ITGA9: variants seen among roughly 807,000 people sequenced by gnomAD.
ITGA9 encodes integrin subunit alpha 9.
ITGA9 carries 56 observed loss-of-function variants against 127.8 expected under a neutral mutation model. That is an observed-to-expected ratio of 0.44 (90% CI 0.35 to 0.55). ITGA9 has a LOEUF of 0.55. ITGA9 is among the 20% of genes least tolerant of loss of function. The pLI, the probability that ITGA9 is intolerant of heterozygous loss-of-function variation, is 0.00. For synonymous variants in ITGA9, 508 were observed against 514.5 expected, an observed-to-expected ratio of 0.99 and a Z score of 0.17; for missense variants, 1,196 against 1,347.1, an observed-to-expected ratio of 0.89 and a Z score of 1.76.
intron 17 of ITGA9, among the ~76,000 whole-genome samples, chr3:37,662,814 C>T (rs1391407198): frequency 6.6e-6 from 1 of 152,228 alleles, no homozygotes; most frequent in African/African-American, 2.4e-5. Context: ...AAAGATTTCT[C>T]TGATGACTGT....
chr3:37,497,583 G>A (rs934953394), intron 5 of ITGA9, among the ~76,000 whole-genome samples: 1 of 152,180 alleles, frequency 6.6e-6, no homozygotes, highest in Admixed American at 6.5e-5. Flanking sequence ...TACATTGTGT[G>A]ATAGAAACTA....
At chr3:37,817,492 T>C (rs1420610695) in intron 27 of ITGA9, among the ~76,000 whole-genome samples, 1 of 152,194 alleles carries the variant, frequency 6.6e-6, no homozygotes, top group Non-Finnish European at 1.5e-5. Flanking sequence ...AGATTTGTCA[T>C]CAAGCTGGTT....
At chr3:37,636,706 C>A (rs1700282762) in intron 16 of ITGA9, among the ~76,000 whole-genome samples, 2 of 152,108 alleles carry the variant, frequency 1.3e-5, no homozygotes, top group Admixed American at 1.3e-4. Flanking sequence ...AAGTCCTTGC[C>A]CATGCCTATG....
At chr3:37,700,163 T>C (rs1284854883) in intron 18 of ITGA9, among the ~76,000 whole-genome samples, 1 of 152,102 alleles carries the variant, frequency 6.6e-6, no homozygotes, top group African/African-American at 2.4e-5. Context: ...TTTGTCTTTT[T>C]AGTAGAGATG....
At chr3:37,455,039 T>C (rs115223023) in intron 1 of ITGA9, among the ~76,000 whole-genome samples, 106 of 152,338 alleles carry the variant, frequency 7.0e-4, no homozygotes, top group African/African-American at 2.4e-3. Flanking sequence ...TCCCCAATTT[T>C]ATAATTTTAT....
intron 17 of ITGA9, among the ~76,000 whole-genome samples, chr3:37,660,115 A>G (rs1700519331): frequency 6.6e-6 from 1 of 152,228 alleles, no homozygotes; most frequent in Non-Finnish European, 1.5e-5. Flanking sequence ...CCAAGCTTAC[A>G]AAATTACTTA....
intron 8 of ITGA9, among the ~76,000 whole-genome samples, chr3:37,511,866 A>G (rs1698908223): frequency 6.6e-6 from 1 of 152,202 alleles, no homozygotes; most frequent in African/African-American, 2.4e-5. Flanking sequence ...GTCAGCTGCC[A>G]ACAAACTCCA....
At chr3:37,595,478 T>C (rs756018045) in intron 15 of ITGA9, among the ~76,000 whole-genome samples, 12 of 152,202 alleles carry the variant, frequency 7.9e-5, no homozygotes, top group Non-Finnish European at 1.6e-4. Flanking sequence ...GTTCTCCCTA[T>C]CCAGAGCATA....
chr3:37,777,882 C>T (rs566182927), intron 24 of ITGA9, among the ~76,000 whole-genome samples: 8 of 152,338 alleles, frequency 5.3e-5, no homozygotes, highest in Non-Finnish European at 8.8e-5. Context: ...CCATTCTACT[C>T]TTGAGTATAT....
chr3:37,729,511 G>A (rs573187970), intron 18 of ITGA9, among the ~76,000 whole-genome samples: 19 of 152,222 alleles, frequency 1.2e-4, no homozygotes, highest in African/African-American at 4.3e-4. Flanking sequence ...TAAATGTTAC[G>A]TTCTAGCATT....
chr3:37,713,675 G>A (rs562332696), intron 18 of ITGA9, among the ~76,000 whole-genome samples: 3 of 152,296 alleles, frequency 2.0e-5, no homozygotes, highest in African/African-American at 7.2e-5. Context: ...AAGAAAACTC[G>A]CTTTGCCTTT....
rs368334530 is a variant in ITGA9 at position 37,668,514 on chromosome 3, A to C, written c.1916+14724A>C. On this transcript the variant is annotated intron_variant, in intron 17 of 27. Transcript: ENST00000264741. Reference sequence around the variant, plus strand: ...TCCCTCCCTTCTCTCAACTTGGAGCAGACAGGGAGCCATGTGTGGTTTCCT... The same window carrying C: ...TCCCTCCCTTCTCTCAACTTGGAGCCGACAGGGAGCCATGTGTGGTTTCCT... 6.6e-5 allele frequency among the ~76,000 whole-genome samples: 10 copies of C among 152,302 alleles called. No individual in the cohort carries two copies. In the East Asian group the frequency reaches 1.9e-3, roughly 29 times the overall value.
chr3:37,758,876 C>T (rs530115993), intron 23 of ITGA9, among the ~76,000 whole-genome samples: 15 of 152,016 alleles, frequency 9.9e-5, no homozygotes, highest in Non-Finnish European at 1.6e-4. Context: ...CTGTAAACTG[C>T]CTGATCTTCA....
chr3:37,562,290 ATCTG>A (rs951346273), intron 15 of ITGA9, among the ~76,000 whole-genome samples: 5 of 152,258 alleles, frequency 3.3e-5, no homozygotes, highest in African/African-American at 7.2e-5. Flanking sequence ...ACCTACAGAT[ATCTG>A]TCTGTCTGTC....
chr3:37,629,200 A>ACGTC lies in ITGA9; in HGVS notation c.1704_1707dup (p.Ile570ArgfsTer8), dbSNP rs1304432642. 1 of 1,612,730 alleles carries ACGTC rather than the reference A, an allele frequency of 6.2e-7. No homozygotes were observed. The highest frequency in any genetic ancestry group is 8.5e-7 in the Non-Finnish European group (1 of 1,179,892). On this transcript the variant is annotated frameshift_variant, in exon 16 of 28. Coordinates refer to ENST00000264741, the MANE Select transcript of ITGA9 (RefSeq NM_002207.3). LOFTEE classifies it high-confidence loss of function. The surrounding 1 kb of genome is among the most constrained non-coding windows in gnomAD (Gnocchi z 4.5). The stretch of plus-strand genomic sequence containing the variant: ...TTATTGTTTCAGCGGAGGGTGCAGG[A>ACGTC]CGTCATCAGCCCGATCGTGTTTGAA...
At chr3:37,537,461 G>A (rs923155137) in intron 14 of ITGA9, among the ~76,000 whole-genome samples, 1 of 152,170 alleles carries the variant, frequency 6.6e-6, no homozygotes, top group African/African-American at 2.4e-5. Context: ...GGTAGAGAAG[G>A]GTGGGTTGGA....
At chr3:37,626,480 T>C (rs963124328) in intron 15 of ITGA9, among the ~76,000 whole-genome samples, 3 of 152,008 alleles carry the variant, frequency 2.0e-5, no homozygotes, top group Non-Finnish European at 4.4e-5. Flanking sequence ...GGCAACATAG[T>C]GAGACCCCAT....
At chr3:37,568,682 G>A (rs769859210) in intron 15 of ITGA9, among the ~76,000 whole-genome samples, 2 of 152,104 alleles carry the variant, frequency 1.3e-5, no homozygotes, top group Non-Finnish European at 2.9e-5. Flanking sequence ...TCTAGAGCAG[G>A]GGCAAAATGC....
At chr3:37,463,981 G>GAAAA (rs1468842209) in intron 1 of ITGA9, among the ~76,000 whole-genome samples, 2 of 152,102 alleles carry the variant, frequency 1.3e-5, no homozygotes, top group Non-Finnish European at 2.9e-5. Context: ...GAAAACAAAG[G>GAAAA]CTTTTAAAGG....
Sources: gnomAD v4.1 joint callset for allele counts (sites outside exome capture counted in the v4.1 genomes callset) on GRCh38, gnomAD v4.1.1 for gene constraint, Gnocchi (gnomAD v3.1) non-coding constraint, MANE v1.5 for transcripts, NCBI Gene and HGNC (gene_info 2026-07-23, HGNC 2026-07-21) for gene names.